Variants in COL4A1 observed in about 807,000 individuals in gnomAD.
COL4A1 encodes the protein collagen alpha-1(IV) chain.
In COL4A1, 40 loss-of-function variants were observed where a neutral mutation model predicts 216.6. That is an observed-to-expected ratio of 0.18 (90% CI 0.14 to 0.24). The LOEUF is 0.24. COL4A1 is among the 10% of genes least tolerant of loss of function. The pLI is 1.00. For missense variants in COL4A1, 1,628 were observed against 2,196.8 expected (o/e 0.74, Z 5.18); for synonymous variants, 839 against 810.7 (o/e 1.03, Z -0.59).
chr13:110,183,009 C>G lies in COL4A1; in HGVS notation c.2079G>C (p.Gly693=). ...CAGGGTTACCTTTGGGGCCGGGGGG[C>G]CCTGGAAATCCAATGCCTGGCTGGC... ...AVGQPGIGFP[G]PPGPKGVDGL... The change falls in exon 28 of 52, where the codon GGG becomes GGC. Residue 693 remains glycine (G), a synonymous_variant. Coordinates refer to ENST00000375820, the MANE Select transcript of COL4A1 (RefSeq NM_001845.6). 6.2e-7 allele frequency: 1 copy of G among 1,612,714 alleles called. No homozygotes were observed. Among genetic ancestry groups the G allele is most frequent in the Non-Finnish European group, 8.5e-7 (1 of 1,179,716 alleles).
Position 110,219,856 on chromosome 13 carries a change from G to GTGTGTATATATATGTA in COL4A1, c.145-5842_145-5841insTACATATATATACACA, listed in dbSNP as rs1566385833. ...TGTATGTATATATGTGTATATATAT[G>GTGTGTATATATATGTA]TATATATGTGTGTGTATATATGTAT... On this transcript the variant is annotated intron_variant, in intron 2 of 51. Transcript: ENST00000375820. 6.2e-4 allele frequency among the ~76,000 whole-genome samples: 25 copies of GTGTGTATATATATGTA among 40,348 alleles called. 1 individual carries two copies. Among genetic ancestry groups the GTGTGTATATATATGTA allele is most frequent in the African/African-American group, 8.3e-4 (10 of 12,068 alleles). 26.5% of individuals were successfully genotyped at this position (40,348 alleles called of 152,430 possible). A position where few individuals can be genotyped will look rare whatever the true frequency, so the allele number is the denominator to read the frequency against.
chr13:110,206,551 G>A lies in COL4A1; in HGVS notation c.858+114C>T, dbSNP rs532097048. ...GGAAAAGCCCTTCGGGGCATGAAAGGGATAAACTAGAAGTCCCTACGAGCC... is the reference window on the plus strand; with the variant it reads ...GGAAAAGCCCTTCGGGGCATGAAAGAGATAAACTAGAAGTCCCTACGAGCC... On this transcript the variant is annotated intron_variant, in intron 15 of 51. Coordinates refer to ENST00000375820, the MANE Select transcript of COL4A1 (RefSeq NM_001845.6). 3.4e-4 allele frequency: 407 copies of A among 1,203,740 alleles called. 3 individuals are homozygous for A. Among genetic ancestry groups the A allele is most frequent in the Non-Finnish European group, 4.4e-4 (352 of 809,098 alleles). 74.6% of individuals were successfully genotyped at this position (1,203,740 alleles called of 1,614,324 possible). A position where few individuals can be genotyped will look rare whatever the true frequency, so the allele number is the denominator to read the frequency against.
chr13:110,174,356 C>A, intron 39 of COL4A1, 90 bp downstream of exon 39: 1 of 1,424,988 alleles, frequency 7.0e-7, no homozygotes, highest in Non-Finnish European at 9.8e-7. Flanking sequence ...CTCCCTGCTC[C>A]CCGTCTGTGA....
intron 1 of COL4A1, among the ~76,000 whole-genome samples, chr13:110,243,290 A>G (rs1389829685): frequency 6.6e-6 from 1 of 152,246 alleles, no homozygotes. Context: ...CACATTAAAG[A>G]ACAGTCAACA....
At chr13:110,181,122 C>G (rs1037152433) in intron 29 of COL4A1, among the ~76,000 whole-genome samples, 170 bp downstream of exon 29, 17 of 152,208 alleles carry the variant, frequency 1.1e-4, no homozygotes, top group African/African-American at 4.1e-4. Context: ...CTTCAAAATA[C>G]TTACTTCCAT....
chr13:110,174,340 G>T, intron 39 of COL4A1, 106 bp downstream of exon 39: 1 of 1,236,988 alleles, frequency 8.1e-7, no homozygotes, highest in Non-Finnish European at 1.2e-6. Context: ...AGACAGGACA[G>T]CTGGCCTCCC....
At chr13:110,167,021 T>C in intron 44 of COL4A1, 137 bp downstream of exon 44, 8 of 790,978 alleles carry the variant, frequency 1.0e-5, no homozygotes, top group South Asian at 9.5e-5. Flanking sequence ...AGAAATGCCA[T>C]TTTTAATTTG....
intron 2 of COL4A1, among the ~76,000 whole-genome samples, chr13:110,237,594 C>A (rs1881378696): frequency 6.6e-6 from 1 of 152,182 alleles, no homozygotes; most frequent in Non-Finnish European, 1.5e-5. Flanking sequence ...TTGGTTTCTT[C>A]CACTGTATAA....
At chr13:110,194,934 C>T (rs1594568755) in intron 22 of COL4A1, 89 bp downstream of exon 22, 1 of 1,071,374 alleles carries the variant, frequency 9.3e-7, no homozygotes, top group Non-Finnish European at 1.4e-6. Context: ...CTCTGCCCAC[C>T]CCCACTTGGC....
chr13:110,215,649 T>C (rs1880036621), intron 2 of COL4A1, among the ~76,000 whole-genome samples: 1 of 152,118 alleles, frequency 6.6e-6, no homozygotes, highest in South Asian at 2.1e-4. Context: ...CAGTGCAGCC[T>C]TACCATACGA....
chr13:110,195,882 C>T (rs1260492207), intron 21 of COL4A1, among the ~76,000 whole-genome samples: 1 of 152,216 alleles, frequency 6.6e-6, no homozygotes, highest in Non-Finnish European at 1.5e-5. Context: ...TCCCCTCTCC[C>T]TTACAGGGTC....
At chr13:110,195,697 T>A (rs1878855587) in intron 21 of COL4A1, among the ~76,000 whole-genome samples, 1 of 152,148 alleles carries the variant, frequency 6.6e-6, no homozygotes, top group Non-Finnish European at 1.5e-5. Flanking sequence ...CTGTCCTAGG[T>A]TCTAGTAAAA....
In COL4A1 at chr13:110,301,234, G is replaced by A. The variant is rs1231494849; in HGVS notation, c.84+5710C>T. Among the ~76,000 whole-genome samples, 8 of 152,372 alleles carry A rather than the reference G, an allele frequency of 5.3e-5. No individual in the cohort carries two copies. In the East Asian group the frequency reaches 9.6e-4, roughly 18 times the overall value. On this transcript the variant is annotated intron_variant, in intron 1 of 51. Coordinates refer to ENST00000375820, the MANE Select transcript of COL4A1 (RefSeq NM_001845.6). ...CAGGCAGCTCCCTCTAGGACACTCC[G>A]GGGGTGGGGAGGGGGCTCCCAAGAG...
Position 110,157,602 on chromosome 13 carries a change from C to T in COL4A1, c.4641-2205G>A, listed in dbSNP as rs911837294. Among the ~76,000 whole-genome samples, 4 of 152,182 alleles carry T rather than the reference C, an allele frequency of 2.6e-5. No homozygotes were observed. In the East Asian group the frequency reaches 7.7e-4, roughly 29 times the overall value. On this transcript the variant is annotated intron_variant, in intron 49 of 51. Coordinates refer to ENST00000375820, the MANE Select transcript of COL4A1 (RefSeq NM_001845.6). ...CTTCAAGTACATGCCTGGGAAGGTC[C>T]CTTCATGCTGAGCTTCGATGTGTCA... is the stretch of plus-strand genomic sequence containing the variant.
At chr13:110,304,254 C>T (rs1295459463) in intron 1 of COL4A1, among the ~76,000 whole-genome samples, 1 of 152,180 alleles carries the variant, frequency 6.6e-6, no homozygotes, top group Non-Finnish European at 1.5e-5. Flanking sequence ...CCAGCCTTCT[C>T]TTCTAAACTA....
Position 110,161,329 on chromosome 13 carries a change from G to A in COL4A1, c.4503C>T (p.Pro1501=). 1 of 1,614,118 alleles carries A rather than the reference G, an allele frequency of 6.2e-7. No individual in the cohort carries two copies. Among genetic ancestry groups the A allele is most frequent in the Non-Finnish European group, 8.5e-7 (1 of 1,179,972 alleles). Residue 1501 remains proline, a synonymous_variant, in exon 49 of 52, where the codon CCC becomes CCT. Transcript: ENST00000375820. The part of the protein sequence containing the change: ...GSCLRKFSTM[P]FLFCNINNVC... ...CGTTGTTAATATTGCAGAACAGGAA[G>A]GGCATTGTGCTGAACTTGCGCAGGC...
chr13:110,247,790 CGTGTGTGT>C lies in COL4A1; in HGVS notation c.85-5064_85-5057del, dbSNP rs56086913. Among the ~76,000 whole-genome samples, 477 of 57,764 alleles carry C rather than the reference CGTGTGTGT, an allele frequency of 8.3e-3. 10 individuals are homozygous for C. Among genetic ancestry groups the C allele is most frequent in the East Asian group, 0.037 (74 of 1,990 alleles). 37.9% of individuals were successfully genotyped at this position (57,764 alleles called of 152,430 possible). A position where few individuals can be genotyped will look rare whatever the true frequency, so the allele number is the denominator to read the frequency against. ...GAAGAATACCAGCTGCTATGCTACT[CGTGTGTGT>C]GTGTGTGTGTGTGTGTGTGTGTGTG... On this transcript the variant is annotated intron_variant, in intron 1 of 51. Transcript: ENST00000375820.
At chr13:110,210,600 T>C (rs537942529) in intron 8 of COL4A1, among the ~76,000 whole-genome samples, 91 of 152,240 alleles carry the variant, frequency 6.0e-4, no homozygotes, top group Non-Finnish European at 9.7e-4. Context: ...TCAGGATGAA[T>C]ACTTTTATAA....
intron 1 of COL4A1, among the ~76,000 whole-genome samples, chr13:110,295,258 C>CTTTTTTTT (rs67516756): frequency 7.4e-5 from 10 of 135,620 alleles, no homozygotes; most frequent in Admixed American, 1.5e-4. Context: ...TTCTTTCTTT[C>CTTTTTTTT]TTTTTTTTTT....
Sources: gnomAD v4.1 joint callset for allele counts (sites outside exome capture counted in the v4.1 genomes callset) on GRCh38, gnomAD v4.1.1 for gene constraint, MANE v1.5 for transcripts, NCBI Gene and HGNC (gene_info 2026-07-23, HGNC 2026-07-21) for gene names.